Variants in L3MBTL3 observed in about 807,000 individuals in gnomAD.
The protein encoded by L3MBTL3 is L3MBTL histone methyl-lysine binding protein 3, also known as lethal(3)malignant brain tumor-like protein 3.
In L3MBTL3, 27 loss-of-function variants were observed where a neutral mutation model predicts 102.3. That is an observed-to-expected ratio of 0.26 (90% CI 0.19 to 0.36). L3MBTL3 has a LOEUF of 0.36. Ranked by LOEUF, L3MBTL3 falls within the 10% of genes least tolerant of loss-of-function variation. The pLI is 1.00. For missense variants in L3MBTL3, 798 were observed against 955.3 expected, an observed-to-expected ratio of 0.84 and a Z score of 2.17; for synonymous variants, 340 against 320.9, an observed-to-expected ratio of 1.06 and a Z score of -0.64.
Position 130,066,369 on chromosome 6 carries a change from T to C in L3MBTL3, c.881T>C (p.Ile294Thr). 1 of 1,605,672 alleles carries C rather than the reference T, an allele frequency of 6.2e-7. No homozygotes were observed. The highest frequency in any genetic ancestry group is 8.5e-7 in the Non-Finnish European group (1 of 1,176,276). The change falls in exon 11 of 23, where the codon ATA becomes ACA. Residue 294 changes from isoleucine (I) to threonine (T), a missense_variant. Ile to Thr is a moderately conservative substitution (Grantham distance 89). Coordinates refer to ENST00000361794, the MANE Select transcript of L3MBTL3 (RefSeq NM_032438.4). ...LTVAEVCGYR[I>T]KLHFDGYSDC... The stretch of plus-strand genomic sequence containing the variant: ...CTGTTTCAGGTTTGTGGATACCGGA[T>C]AAAGCTTCACTTTGATGGGTATTCT...
At chr6:130,048,994 A>G (rs1780910712) in intron 3 of L3MBTL3, among the ~76,000 whole-genome samples, 1 of 152,016 alleles carries the variant, frequency 6.6e-6, no homozygotes. Flanking sequence ...TGTGTTTGAA[A>G]TGATAGCCTA....
intron 19 of L3MBTL3, among the ~76,000 whole-genome samples, chr6:130,110,095 C>T (rs1785256223): frequency 6.6e-6 from 1 of 152,156 alleles, no homozygotes; most frequent in Non-Finnish European, 1.5e-5. Flanking sequence ...GTTTTGGTTA[C>T]CGTAGCCTTG....
In L3MBTL3 at chr6:130,052,860, G is replaced by A; in HGVS notation, c.451G>A (p.Asp151Asn). 1 of 1,613,322 alleles carries A rather than the reference G, an allele frequency of 6.2e-7. No individual in the cohort carries two copies. The highest frequency in any genetic ancestry group is 1.1e-5 in the South Asian group (1 of 90,984). The stretch of plus-strand genomic sequence containing the variant: ...ATTTTGGGTTTATAAACACAACAGA[G>A]ATCAGAAGGAAGAAAGGGACGTAGA... ...QNCARHIKDKDQKEERDVEED... is the reference protein window; with the variant it reads ...QNCARHIKDKNQKEERDVEED... Residue 151 changes from aspartate to asparagine, a missense_variant and splice_region_variant, in exon 7 of 23, where the codon GAT (aspartate) becomes AAT (asparagine). Coordinates refer to ENST00000361794, the MANE Select transcript of L3MBTL3 (RefSeq NM_032438.4).
At chr6:130,098,285 A>C (rs1481006480) in intron 18 of L3MBTL3, among the ~76,000 whole-genome samples, 1 of 152,134 alleles carries the variant, frequency 6.6e-6, no homozygotes, top group Non-Finnish European at 1.5e-5. Context: ...CCATGCATCT[A>C]TCCGTGAACA....
chr6:130,084,633 CCTTTAA>C (rs1240730495), intron 15 of L3MBTL3, among the ~76,000 whole-genome samples: 3 of 152,132 alleles, frequency 2.0e-5, no homozygotes, highest in Non-Finnish European at 2.9e-5. Context: ...TATCTCCCAC[CCTTTAA>C]CTTTAAATTC....
At chr6:130,069,425 G>T (rs765515282) in intron 12 of L3MBTL3, among the ~76,000 whole-genome samples, 6 of 152,220 alleles carry the variant, frequency 3.9e-5, no homozygotes, top group Non-Finnish European at 7.3e-5. Context: ...TGGCTGAAAT[G>T]TTTTCTGATT....
At chr6:130,062,990 C>CTTTTTTTTTTTTTT (rs367985147) in intron 10 of L3MBTL3, among the ~76,000 whole-genome samples, 2 of 126,206 alleles carry the variant, frequency 1.6e-5, no homozygotes, top group Non-Finnish European at 3.1e-5. Context: ...TCTTGCCTTT[C>CTTTTTTTTTTTTTT]TTTTTTTTTT....
intron 20 of L3MBTL3, among the ~76,000 whole-genome samples, chr6:130,127,814 A>G (rs2114357938): frequency 6.6e-6 from 1 of 152,270 alleles, no homozygotes; most frequent in East Asian, 1.9e-4. Flanking sequence ...TTTTTTAGTA[A>G]CATTAAGTAG....
chr6:130,039,301 T>C (rs1201864189), intron 2 of L3MBTL3, among the ~76,000 whole-genome samples: 1 of 152,118 alleles, frequency 6.6e-6, no homozygotes, highest in Admixed American at 6.5e-5. Flanking sequence ...AAGTACATGC[T>C]GTCATCATTT....
chr6:130,019,998 G>A (rs1310122228), intron 1 of L3MBTL3, among the ~76,000 whole-genome samples: 4 of 133,772 alleles, frequency 3.0e-5, no homozygotes, highest in Admixed American at 7.1e-5. Flanking sequence ...CGGTCGCGGC[G>A]GCGGCGGCCG....
chr6:130,071,147 G>A lies in L3MBTL3; in HGVS notation c.1244+20G>A, dbSNP rs1286456305. On this transcript the variant is annotated intron_variant, in intron 13 of 22. Coordinates refer to ENST00000361794, the MANE Select transcript of L3MBTL3 (RefSeq NM_032438.4). ...CTATTGGTGAGACATTTTCTGTTGT[G>A]TGCTTTTAAAAATTTAATATTTATC... 1 of 1,596,402 alleles carries A rather than the reference G, an allele frequency of 6.3e-7. No homozygotes were observed. Among genetic ancestry groups the A allele is most frequent in the Non-Finnish European group, 8.5e-7 (1 of 1,170,644 alleles).
chr6:130,073,873 T>C (rs1019577735), intron 13 of L3MBTL3, among the ~76,000 whole-genome samples: 2 of 152,182 alleles, frequency 1.3e-5, no homozygotes, highest in Non-Finnish European at 2.9e-5. Context: ...TGGAATGTAC[T>C]TTGAGGATTA....
At chr6:130,023,618 T>C (rs1454707031) in intron 2 of L3MBTL3, among the ~76,000 whole-genome samples, 2 of 152,200 alleles carry the variant, frequency 1.3e-5, no homozygotes, top group African/African-American at 4.8e-5. Context: ...CATTTCCTCA[T>C]CTACAGAGCG....
At chr6:130,134,403 G>A (rs1787393169) in intron 22 of L3MBTL3, among the ~76,000 whole-genome samples, 1 of 152,052 alleles carries the variant, frequency 6.6e-6, no homozygotes, top group African/African-American at 2.4e-5. Context: ...TTTATAATAA[G>A]ATATTTATCA....
chr6:130,072,241 T>C (rs1782685491), intron 13 of L3MBTL3, among the ~76,000 whole-genome samples: 1 of 152,152 alleles, frequency 6.6e-6, no homozygotes, highest in Admixed American at 6.5e-5. Context: ...GTATAAATGC[T>C]GTGTAAATAC....
chr6:130,019,784 T>C (rs1778824593), intron 1 of L3MBTL3, among the ~76,000 whole-genome samples: 1 of 149,842 alleles, frequency 6.7e-6, no homozygotes, highest in Admixed American at 6.6e-5. Flanking sequence ...AAATAAACCC[T>C]CCGGTTTATT....
intron 14 of L3MBTL3, among the ~76,000 whole-genome samples, chr6:130,079,569 TC>T (rs1783180158): frequency 1.3e-5 from 2 of 152,280 alleles, no homozygotes; most frequent in African/African-American, 4.8e-5. Flanking sequence ...ACTGAAAGCA[TC>T]CCTGCGCAGT....
chr6:130,040,385 T>C (rs1780345276), intron 2 of L3MBTL3, among the ~76,000 whole-genome samples: 1 of 152,084 alleles, frequency 6.6e-6, no homozygotes, highest in Admixed American at 6.6e-5. Context: ...ATGGATCATT[T>C]ACCTATGCAT....
chr6:130,118,124 C>T (rs1040601269), intron 19 of L3MBTL3, among the ~76,000 whole-genome samples: 1 of 152,006 alleles, frequency 6.6e-6, no homozygotes, highest in Non-Finnish European at 1.5e-5. Context: ...GCACAAAAAG[C>T]ATGTTTCCCT....
Sources: gnomAD v4.1 joint callset for allele counts (sites outside exome capture counted in the v4.1 genomes callset) on GRCh38, gnomAD v4.1.1 for gene constraint, MANE v1.5 for transcripts, NCBI Gene and HGNC (gene_info 2026-07-23, HGNC 2026-07-21) for gene names.